The following SMCO4 variants were observed in gnomAD, a reference collection of about 807,000 sequenced individuals.
SMCO4 encodes the protein single-pass membrane protein with coiled-coil domains 4.
SMCO4 carries 4 observed loss-of-function variants against 3.6 expected under a neutral mutation model. The observed-to-expected ratio is 1.11, with a 90% CI of 0.54 to 2.53. The LOEUF (loss-of-function observed/expected upper bound fraction) is 2.53. Ranked by LOEUF, SMCO4 falls within the 30% of genes most tolerant of loss-of-function variation. SMCO4 has a pLI of 0.02. For synonymous variants in SMCO4, 36 were observed against 35.3 expected (o/e 1.02, Z -0.07); for missense variants, 70 against 80.8 (o/e 0.87, Z 0.51).
At chr11:93,514,839 AACACATCGTC>A (rs1373282383) in intron 1 of SMCO4, among the ~76,000 whole-genome samples, 14 of 152,162 alleles carry the variant, frequency 9.2e-5, no homozygotes, top group African/African-American at 3.1e-4. Flanking sequence ...AAGGACTTTA[AACACATCGTC>A]TCCTATAATC....
the SMCO4 span, among the ~76,000 whole-genome samples, chr11:93,553,151 G>A: frequency 2.6e-5 from 4 of 152,284 alleles, no homozygotes; most frequent in East Asian, 7.7e-4. Context: ...ATTCTAAATG[G>A]GACAGTGCTT....
chr11:93,494,898 G>A (rs1300398043), intron 2 of SMCO4, among the ~76,000 whole-genome samples: 1 of 151,980 alleles, frequency 6.6e-6, no homozygotes, highest in African/African-American at 2.4e-5. Context: ...GCCTAACCTG[G>A]TCCCCAAGGA....
chr11:93,551,818 A>C, the SMCO4 span, among the ~76,000 whole-genome samples: 10 of 152,208 alleles, frequency 6.6e-5, no homozygotes, highest in Non-Finnish European at 1.5e-4. Flanking sequence ...TAAGAGCCAA[A>C]TTAGGCAAAG....
intron 2 of SMCO4, among the ~76,000 whole-genome samples, chr11:93,489,168 G>A (rs919515358): frequency 6.6e-5 from 10 of 152,114 alleles, no homozygotes; most frequent in African/African-American, 1.4e-4. Context: ...TAGTTCTGCC[G>A]TTTATCGGCC....
At chr11:93,505,933 G>C (rs1948896038) in intron 1 of SMCO4, among the ~76,000 whole-genome samples, 1 of 152,098 alleles carries the variant, frequency 6.6e-6, no homozygotes. Flanking sequence ...AGCTGTGCCA[G>C]ACATGGTACT....
intron 1 of SMCO4, among the ~76,000 whole-genome samples, chr11:93,525,676 C>T (rs1261941329): frequency 1.3e-5 from 2 of 152,130 alleles, no homozygotes; most frequent in East Asian, 1.9e-4. Context: ...CCTGGGCAAA[C>T]GCGACCAACA....
intron 1 of SMCO4, among the ~76,000 whole-genome samples, chr11:93,541,605 G>A (rs539703752): frequency 2.0e-5 from 3 of 152,146 alleles, no homozygotes; most frequent in African/African-American, 4.8e-5. Flanking sequence ...GAAAAAATTC[G>A]GGTCCACAGG....
Position 93,541,325 on chromosome 11 carries a change from C to T in SMCO4, c.-154+1951G>A, listed in dbSNP as rs186758144. On this transcript the variant is annotated intron_variant, in intron 1 of 2. Coordinates refer to ENST00000298966, the MANE Select transcript of SMCO4 (RefSeq NM_020179.3). Reference sequence around the variant, plus strand: ...AATTTTTAATGTGCTGCCTCTAACTCACTGCTTGCCTTTTACTACACTCAT... The same window carrying T: ...AATTTTTAATGTGCTGCCTCTAACTTACTGCTTGCCTTTTACTACACTCAT... Among the ~76,000 whole-genome samples, 89 of 152,318 alleles carry T rather than the reference C, an allele frequency of 5.8e-4. 1 individual carries two copies. Among genetic ancestry groups the T allele is most frequent in the African/African-American group, 2.1e-3 (86 of 41,562 alleles).
At chr11:93,482,755 C>A (rs1948606871) in intron 2 of SMCO4, among the ~76,000 whole-genome samples, 1 of 152,320 alleles carries the variant, frequency 6.6e-6, no homozygotes, top group Admixed American at 6.5e-5. Context: ...GTGCTCAGTG[C>A]AGAGCTGGCT....
At chr11:93,498,931 G>A (rs571646748) in intron 2 of SMCO4, among the ~76,000 whole-genome samples, 5 of 152,306 alleles carry the variant, frequency 3.3e-5, no homozygotes, top group East Asian at 3.9e-4. Context: ...AGAATAAAGC[G>A]TGGAAGTAAG....
chr11:93,529,820 C>T (rs1330922716), intron 1 of SMCO4, among the ~76,000 whole-genome samples: 2 of 152,238 alleles, frequency 1.3e-5, no homozygotes, highest in East Asian at 3.8e-4. Flanking sequence ...GTTCCTTCTT[C>T]TTTTTAATGA....
At chr11:93,533,007 G>A (rs1949178049) in intron 1 of SMCO4, among the ~76,000 whole-genome samples, 1 of 152,162 alleles carries the variant, frequency 6.6e-6, no homozygotes, top group African/African-American at 2.4e-5. Context: ...GAGTGAAGGA[G>A]GATAAGCTTA....
intron 1 of SMCO4, among the ~76,000 whole-genome samples, chr11:93,506,726 C>T (rs1267784571): frequency 6.6e-6 from 1 of 152,184 alleles, no homozygotes; most frequent in African/African-American, 2.4e-5. Flanking sequence ...CAGGCATGAG[C>T]CACCACGCCT....
chr11:93,536,052 TAA>T (rs1165844025), intron 1 of SMCO4, among the ~76,000 whole-genome samples: 3 of 152,044 alleles, frequency 2.0e-5, no homozygotes, highest in African/African-American at 7.2e-5. Flanking sequence ...GGATTATAGA[TAA>T]AAAGTCTCCG....
chr11:93,521,857 C>T (rs912237944), intron 1 of SMCO4, among the ~76,000 whole-genome samples: 1 of 152,146 alleles, frequency 6.6e-6, no homozygotes, highest in African/African-American at 2.4e-5. Flanking sequence ...CAATACCAAT[C>T]GAAGCTATAA....
In SMCO4 at chr11:93,519,640, G is replaced by A. The variant is rs889445547; in HGVS notation, c.-153-20292C>T. Among the ~76,000 whole-genome samples, 6 of 152,262 alleles carry A rather than the reference G, an allele frequency of 3.9e-5. No homozygotes were observed. The South Asian group carries it at 6.2e-4, about 16-fold the overall frequency. On this transcript the variant is annotated intron_variant, in intron 1 of 2. Transcript: ENST00000298966. The stretch of plus-strand genomic sequence containing the variant: ...GCTCTGGTGAGCTCTTTAAAAGTTC[G>A]AACTAAAACCAAGGCAAAGAAGGAA...
chr11:93,546,477 C>T (rs994769052), upstream of SMCO4, among the ~76,000 whole-genome samples: 1 of 152,162 alleles, frequency 6.6e-6, no homozygotes, highest in Admixed American at 6.5e-5. Context: ...TCCTTAATGA[C>T]AATTACATTT....
rs1949210228 is a variant in SMCO4, at chr11:93,535,365, C to T, written c.-154+7911G>A. 1.4e-5 allele frequency: 10 copies of T among 693,366 alleles called. No homozygotes were observed. The Admixed American group carries it at 1.8e-4, about 13-fold the overall frequency. 43.0% of individuals were successfully genotyped at this position (693,366 alleles called of 1,614,324 possible). A position where few individuals can be genotyped will look rare whatever the true frequency, so the allele number is the denominator to read the frequency against. ...ATCTTCTATAGTTGCTATGGACCCACCACTCTTAACATCTACGATCTCAGC... is the reference window on the plus strand; with the variant it reads ...ATCTTCTATAGTTGCTATGGACCCATCACTCTTAACATCTACGATCTCAGC... On this transcript the variant is annotated intron_variant, in intron 1 of 2. Transcript: ENST00000298966.
chr11:93,524,805 A>T (rs1949090542), intron 1 of SMCO4, among the ~76,000 whole-genome samples: 1 of 152,166 alleles, frequency 6.6e-6, no homozygotes, highest in Non-Finnish European at 1.5e-5. Context: ...ATGTTAACTC[A>T]CAGATCTCGC....
Sources: allele counts gnomAD v4.1 joint callset (sites outside exome capture counted in the v4.1 genomes callset), GRCh38; gene constraint gnomAD v4.1.1; transcripts MANE v1.5; gene names NCBI Gene and HGNC (gene_info 2026-07-23, HGNC 2026-07-21).